CAPN5: variants seen among roughly 807,000 people sequenced by gnomAD.
CAPN5 encodes calpain 5, also known as calpain-5.
CAPN5 carries 54 observed loss-of-function variants against 73.0 expected under a neutral mutation model. The ratio of observed to expected loss-of-function variants is 0.74; its 90% CI spans 0.59 to 0.93. CAPN5 has a LOEUF of 0.93. Among genes scored for constraint, CAPN5 ranks in the 40% least tolerant of loss-of-function variants. The pLI, the probability that CAPN5 is intolerant of heterozygous loss-of-function variation, is 0.00. For missense variants in CAPN5, 785 were observed against 882.9 expected (o/e 0.89, Z 1.41); for synonymous variants, 335 against 356.9 (o/e 0.94, Z 0.69).
intron 3 of CAPN5, among the ~76,000 whole-genome samples, chr11:77,094,825 G>A (rs1950191072): frequency 6.6e-6 from 1 of 152,256 alleles, no homozygotes; most frequent in African/African-American, 2.4e-5. Context: ...CTTGGCCAAA[G>A]GTGGCTGTGC....
rs1325097231 is a variant in CAPN5, at chr11:77,098,443, G to T, written c.297+4630G>T. On this transcript the variant is annotated intron_variant, in intron 3 of 12. Coordinates refer to ENST00000648180, the MANE Select transcript of CAPN5 (RefSeq NM_004055.5). The stretch of plus-strand genomic sequence containing the variant: ...CAGAGGGGCTCCTCACTTCCCAGTA[G>T]GGGCGGCCGGGCAGAGGCGCCCCTC... Among the ~76,000 whole-genome samples the T allele has an allele frequency of 8.9e-3, 902 of 101,260 alleles. 5 individuals carry two copies. Among genetic ancestry groups the T allele is most frequent in the African/African-American group, 0.037 (826 of 22,404 alleles). The allele number at this position is 101,260 out of a possible 152,430, so 66.4% of individuals were successfully genotyped here. A position where few individuals can be genotyped will look rare whatever the true frequency, so the allele number is the denominator to read the frequency against.
chr11:77,101,593 C>T (rs1950285006), intron 3 of CAPN5, among the ~76,000 whole-genome samples: 1 of 152,184 alleles, frequency 6.6e-6, no homozygotes, highest in South Asian at 2.1e-4. Flanking sequence ...GTTCAGGTAG[C>T]CCAGGATCCC....
intron 1 of CAPN5, among the ~76,000 whole-genome samples, chr11:77,073,674 G>A (rs1949935524): frequency 6.6e-6 from 1 of 152,226 alleles, no homozygotes; most frequent in Admixed American, 6.5e-5. Context: ...TAGCAGGAGA[G>A]CGGCCTGGTG....
chr11:77,095,985 G>T (rs1241660432), intron 3 of CAPN5, among the ~76,000 whole-genome samples: 3 of 152,198 alleles, frequency 2.0e-5, no homozygotes, highest in Admixed American at 6.5e-5. Flanking sequence ...CTGTGCTGCT[G>T]TGGTGCTATG....
intron 1 of CAPN5, 83 bp from the exon 2 acceptor site, chr11:77,084,769 T>C (rs1950064351): frequency 1.6e-6 from 2 of 1,252,268 alleles, no homozygotes; most frequent in East Asian, 2.5e-5. Flanking sequence ...GCCTGTGCCA[T>C]GGGGCTGATG....
Position 77,123,976 on chromosome 11 carries a change from C to A in CAPN5, c.*106C>A. 1.9e-6 allele frequency: 2 copies of A among 1,037,226 alleles called. No homozygotes were observed. Among genetic ancestry groups the A allele is most frequent in the Non-Finnish European group, 2.8e-6 (2 of 707,974 alleles). The allele number at this position is 1,037,226 out of a possible 1,614,324, so 64.3% of individuals were successfully genotyped here. On this transcript the variant is annotated 3_prime_UTR_variant, in exon 13 of 13. Transcript: ENST00000648180. ...AGGATACTGGGGTCCTTTTCCCACT[C>A]TTCCACTGACTTGCTGTGTGACCTT...
chr11:77,118,381 C>T (rs1555042150), intron 8 of CAPN5, 29 bp downstream of exon 8: 1 of 1,530,390 alleles, frequency 6.5e-7, no homozygotes, highest in South Asian at 1.2e-5. Context: ...CCCCACCCTG[C>T]CCTGTAGCAG....
chr11:77,103,328 C>G, intron 3 of CAPN5: 5 of 1,604,948 alleles, frequency 3.1e-6, no homozygotes, highest in Non-Finnish European at 4.3e-6. Flanking sequence ...TTAACCAGCT[C>G]TGACAGCAGC....
At chr11:77,112,888 A>G (rs1164456457) in intron 4 of CAPN5, 91 bp downstream of exon 4, 24 of 1,251,296 alleles carry the variant, frequency 1.9e-5, no homozygotes, top group Non-Finnish European at 2.5e-5. Context: ...CCAGGGCTTT[A>G]GGCACAGAGA....
At chr11:77,093,927 G>T in intron 3 of CAPN5, 114 bp downstream of exon 3, 9 of 1,450,222 alleles carry the variant, frequency 6.2e-6, no homozygotes, top group Non-Finnish European at 8.3e-6. Flanking sequence ...AAAAGCCTGT[G>T]CCAGGGATGG....
chr11:77,110,537 G>A (rs1950401679), intron 3 of CAPN5, among the ~76,000 whole-genome samples: 1 of 152,194 alleles, frequency 6.6e-6, no homozygotes, highest in Non-Finnish European at 1.5e-5. Flanking sequence ...GAAGTCCTGG[G>A]TTTGAACCCT....
chr11:77,114,152 C>G, intron 4 of CAPN5, 90 bp from the exon 5 acceptor site: 1 of 1,235,522 alleles, frequency 8.1e-7, no homozygotes, highest in Non-Finnish European at 1.2e-6. Flanking sequence ...TGTTTGACCC[C>G]TCTGAGTTTC....
chr11:77,118,058 C>A, intron 7 of CAPN5, 99 bp from the exon 8 acceptor site: 1 of 1,105,424 alleles, frequency 9.0e-7, no homozygotes, highest in Non-Finnish European at 1.3e-6. Context: ...TGTTCTCTCA[C>A]CTCTGGGCCA....
At chr11:77,117,810 A>G (rs1448934649) in intron 7 of CAPN5, among the ~76,000 whole-genome samples, 1 of 152,198 alleles carries the variant, frequency 6.6e-6, no homozygotes. Flanking sequence ...AGTAGTTATT[A>G]ACACCATTCA....
At chr11:77,089,014 TC>T (rs1232732353) in intron 2 of CAPN5, among the ~76,000 whole-genome samples, 1 of 152,062 alleles carries the variant, frequency 6.6e-6, no homozygotes, top group South Asian at 2.1e-4. Context: ...CACCACTTTG[TC>T]CCCCCTCCCT....
rs34801837 is a variant in CAPN5 at position 77,084,916 on chromosome 11, C to A, written c.30C>A (p.Asp10Glu). 1 of 1,613,922 alleles carries A rather than the reference C, an allele frequency of 6.2e-7. No individual in the cohort carries two copies. The highest frequency in any genetic ancestry group is 1.1e-5 in the South Asian group (1 of 91,082). The stretch of plus-strand genomic sequence containing the variant: ...TCTCGTGTGTGAAGCCCTATGAGGA[C>A]CAGAACTACTCAGCCCTGAGGCGGG... MFSCVKPYE[D>E]QNYSALRRDC... is the part of the protein sequence containing the mutation. Residue 10 changes from aspartate (D) to glutamate (E), a missense_variant, in exon 2 of 13, where the codon GAC (aspartate) becomes GAA (glutamate). Asp to Glu is a conservative substitution (Grantham distance 45). Coordinates refer to ENST00000648180, the MANE Select transcript of CAPN5 (RefSeq NM_004055.5).
chr11:77,120,586 G>A (rs543852094), intron 9 of CAPN5, 127 bp from the exon 10 acceptor site: 3 of 630,614 alleles, frequency 4.8e-6, no homozygotes, highest in East Asian at 5.3e-5. Flanking sequence ...TTATAGATTT[G>A]CCTGTTCCGG....
At chr11:77,097,475 T>G (rs1235844919) in intron 3 of CAPN5, among the ~76,000 whole-genome samples, 1 of 142,676 alleles carries the variant, frequency 7.0e-6, no homozygotes, top group Non-Finnish European at 1.5e-5. Flanking sequence ...TTTTTTTTTT[T>G]TTTTTTTTTT....
chr11:77,083,680 A>G (rs1950050859), intron 1 of CAPN5, among the ~76,000 whole-genome samples: 1 of 152,190 alleles, frequency 6.6e-6, no homozygotes, highest in African/African-American at 2.4e-5. Flanking sequence ...TCCCACTGGC[A>G]TGCTTGGCGG....
Sources: allele counts gnomAD v4.1 joint callset (sites outside exome capture counted in the v4.1 genomes callset), GRCh38; gene constraint gnomAD v4.1.1; transcripts MANE v1.5; gene names NCBI Gene and HGNC (gene_info 2026-07-23, HGNC 2026-07-21).